SIL1: variants seen among roughly 807,000 people sequenced by gnomAD.
The protein encoded by SIL1 is SIL1 nucleotide exchange factor.
A neutral mutation model predicts 49.1 loss-of-function variants in SIL1; 40 were observed. The ratio of observed to expected loss-of-function variants is 0.81; its 90% confidence interval spans 0.63 to 1.06. SIL1 has a LOEUF of 1.06. Ranked by LOEUF, SIL1 falls within the 50% of genes least tolerant of loss-of-function variation. The pLI is 0.00. For synonymous variants in SIL1, 253 were observed against 250.8 expected, an observed-to-expected ratio of 1.01 and a Z score of -0.08; for missense variants, 500 against 572.6, an observed-to-expected ratio of 0.87 and a Z score of 1.29.
At chr5:139,115,708 T>C (rs1770973369) in intron 3 of SIL1, among the ~76,000 whole-genome samples, 1 of 152,166 alleles carries the variant, frequency 6.6e-6, no homozygotes, top group Non-Finnish European at 1.5e-5. Flanking sequence ...TCTTGCCGCA[T>C]CTAAACTCTT....
chr5:139,166,462 G>A (rs974382796), intron 1 of SIL1, among the ~76,000 whole-genome samples: 1 of 152,166 alleles, frequency 6.6e-6, no homozygotes, highest in Admixed American at 6.5e-5. Flanking sequence ...ACAAGTTCAA[G>A]ATCAGCCTGA....
At chr5:139,082,138 G>A (rs2151770993) in intron 3 of SIL1, among the ~76,000 whole-genome samples, 1 of 152,302 alleles carries the variant, frequency 6.6e-6, no homozygotes, top group South Asian at 2.1e-4. Flanking sequence ...TTTTACAGAT[G>A]AGAATTCTTT....
chr5:139,002,982 C>G (rs1269975266), intron 7 of SIL1, among the ~76,000 whole-genome samples: 2 of 152,114 alleles, frequency 1.3e-5, no homozygotes, highest in Non-Finnish European at 2.9e-5. Flanking sequence ...GTTTTATGGC[C>G]TAACTCAGGC....
intron 3 of SIL1, among the ~76,000 whole-genome samples, chr5:139,085,012 G>A (rs1770182615): frequency 6.6e-6 from 1 of 152,070 alleles, no homozygotes; most frequent in South Asian, 2.1e-4. Flanking sequence ...AGCATGCCGT[G>A]AATAGCATTC....
intron 5 of SIL1, among the ~76,000 whole-genome samples, chr5:139,028,237 C>T (rs1768704620): frequency 6.6e-6 from 1 of 152,026 alleles, no homozygotes; most frequent in African/African-American, 2.4e-5. Context: ...CAGTGGCTCA[C>T]ACCTGTAATC....
At chr5:139,153,288 A>G (rs931791182) in intron 1 of SIL1, among the ~76,000 whole-genome samples, 1 of 152,092 alleles carries the variant, frequency 6.6e-6, no homozygotes, top group Non-Finnish European at 1.5e-5. Flanking sequence ...TTCCGCTTTG[A>G]GGCCTTCCCC....
At chr5:139,018,386 G>A (rs10054478) in intron 7 of SIL1, among the ~76,000 whole-genome samples, 63,687 of 151,812 alleles carry the variant, frequency 0.42, 14,200 homozygotes, top group African/African-American at 0.59. Flanking sequence ...GCTTGAGTCC[G>A]GGAGACTGGC....
chr5:139,129,528 T>C (rs1750818970), intron 1 of SIL1, among the ~76,000 whole-genome samples: 1 of 152,120 alleles, frequency 6.6e-6, no homozygotes, highest in Non-Finnish European at 1.5e-5. Flanking sequence ...AAAAATTAGC[T>C]GAGCATGGTG....
intron 3 of SIL1, among the ~76,000 whole-genome samples, chr5:139,116,347 T>C (rs1332453019): frequency 1.3e-5 from 2 of 152,352 alleles, no homozygotes; most frequent in African/African-American, 4.8e-5. Flanking sequence ...AACGTGTTCC[T>C]GCACAGGCTT....
intron 7 of SIL1, among the ~76,000 whole-genome samples, chr5:138,988,574 G>C (rs895633190): frequency 1.3e-5 from 2 of 152,160 alleles, no homozygotes; most frequent in African/African-American, 4.8e-5. Context: ...TTTCCCAAAA[G>C]TTTCCACCTG....
chr5:139,144,060 T>C (rs1269872515), intron 1 of SIL1, among the ~76,000 whole-genome samples: 1 of 152,246 alleles, frequency 6.6e-6, no homozygotes, highest in Non-Finnish European at 1.5e-5. Context: ...TGCAACGCAA[T>C]CCCTTTCAAA....
At chr5:139,085,877 C>T (rs1770206505) in intron 3 of SIL1, among the ~76,000 whole-genome samples, 1 of 152,138 alleles carries the variant, frequency 6.6e-6, no homozygotes, top group African/African-American at 2.4e-5. Flanking sequence ...ATATTTATGA[C>T]AGCCTTGATA....
intron 7 of SIL1, among the ~76,000 whole-genome samples, chr5:138,997,192 A>G (rs948456872): frequency 1.3e-5 from 2 of 152,144 alleles, no homozygotes; most frequent in African/African-American, 4.8e-5. Context: ...GGGCTCCCCA[A>G]ATGCTGGAAT....
At chr5:139,134,927 A>T (rs1022168525) in intron 1 of SIL1, among the ~76,000 whole-genome samples, 8 of 152,226 alleles carry the variant, frequency 5.3e-5, no homozygotes, top group Non-Finnish European at 1.2e-4. Context: ...GCACTACCTA[A>T]TTTAAGCAGA....
chr5:139,195,476 T>C (rs907535045), intron 1 of SIL1, among the ~76,000 whole-genome samples: 1 of 151,770 alleles, frequency 6.6e-6, no homozygotes, highest in Non-Finnish European at 1.5e-5. Flanking sequence ...CAAGCTCCGC[T>C]TCCCAGGTTC....
chr5:139,041,098 A>G (rs996477905), intron 5 of SIL1, among the ~76,000 whole-genome samples: 1 of 152,156 alleles, frequency 6.6e-6, no homozygotes, highest in Non-Finnish European at 1.5e-5. Context: ...TGTCCTAGGC[A>G]CCCAGGCACT....
chr5:139,161,132 A>G (rs1193217893), intron 1 of SIL1, among the ~76,000 whole-genome samples: 1 of 151,888 alleles, frequency 6.6e-6, no homozygotes, highest in African/African-American at 2.4e-5. Flanking sequence ...AATTCCAGCT[A>G]CTCAGGAGGC....
intron 3 of SIL1, among the ~76,000 whole-genome samples, chr5:139,060,297 T>C (rs534385277): frequency 1.8e-5 from 2 of 110,058 alleles, no homozygotes; most frequent in Non-Finnish European, 3.8e-5. Flanking sequence ...TACTGTTTTT[T>C]TAAGCCACCA....
intron 3 of SIL1, among the ~76,000 whole-genome samples, chr5:139,057,481 C>G (rs1431053989): frequency 1.3e-5 from 2 of 151,936 alleles, no homozygotes; most frequent in Non-Finnish European, 2.9e-5. Flanking sequence ...CTTTGTACCC[C>G]CACCTGCCCC....
Sources: allele counts gnomAD v4.1 joint callset (sites outside exome capture counted in the v4.1 genomes callset), GRCh38; gene constraint gnomAD v4.1.1; transcripts MANE v1.5; gene names NCBI Gene and HGNC (gene_info 2026-07-23, HGNC 2026-07-21).